Variants in CATSPERE observed in about 807,000 individuals in gnomAD.
CATSPERE encodes catsper channel auxiliary subunit epsilon, also known as cation channel sperm-associated auxiliary subunit epsilon.
A neutral mutation model predicts 114.1 loss-of-function variants in CATSPERE; 93 were observed. The ratio of observed to expected loss-of-function variants is 0.81; its 90% CI spans 0.69 to 0.97. The LOEUF (loss-of-function observed/expected upper bound fraction) is 0.97. CATSPERE is among the 50% of genes least tolerant of loss of function. The pLI is 0.00. For synonymous variants in CATSPERE, 341 were observed against 384.1 expected, an observed-to-expected ratio of 0.89 and a Z score of 1.31; for missense variants, 1,058 against 1,131.6, an observed-to-expected ratio of 0.93 and a Z score of 0.93.
chr1:244,507,380 A>T (rs547046891), intron 7 of CATSPERE, among the ~76,000 whole-genome samples: 18 of 152,288 alleles, frequency 1.2e-4, no homozygotes, highest in African/African-American at 4.1e-4. Flanking sequence ...CCAACAGCAT[A>T]TGAGGTTACC....
At chr1:244,627,902 TAGCACTGTCCCACCTCATCC>T (rs1673411103) in intron 20 of CATSPERE, among the ~76,000 whole-genome samples, 1 of 152,242 alleles carries the variant, frequency 6.6e-6, no homozygotes, top group South Asian at 2.1e-4. Flanking sequence ...TGATGAAATG[TAGCACTGTCCCACCTCATCC>T]AGCCTGGGAT....
intron 5 of CATSPERE, among the ~76,000 whole-genome samples, chr1:244,481,679 AG>A (rs1247036151): frequency 6.6e-6 from 1 of 152,146 alleles, no homozygotes; most frequent in Non-Finnish European, 1.5e-5. Context: ...TGGTATCTGA[AG>A]GTCACGCCTT....
At chr1:244,511,727 G>A (rs931251059) in intron 7 of CATSPERE, among the ~76,000 whole-genome samples, 2 of 152,124 alleles carry the variant, frequency 1.3e-5, no homozygotes, top group South Asian at 2.1e-4. Flanking sequence ...AGCATTTCTT[G>A]TAGGGCTGAT....
At chr1:244,549,038 A>C (rs1660192762) in intron 8 of CATSPERE, among the ~76,000 whole-genome samples, 1 of 152,204 alleles carries the variant, frequency 6.6e-6, no homozygotes, top group Non-Finnish European at 1.5e-5. Context: ...GGAGTGATTT[A>C]TCCAGACTAC....
intron 8 of CATSPERE, among the ~76,000 whole-genome samples, chr1:244,524,317 C>A (rs1198747120): frequency 6.6e-6 from 1 of 150,590 alleles, no homozygotes; most frequent in East Asian, 1.9e-4. Context: ...CCCTTCCTTA[C>A]ACCTTATACA....
chr1:244,548,176 T>A (rs1660059368), intron 8 of CATSPERE, among the ~76,000 whole-genome samples: 1 of 152,262 alleles, frequency 6.6e-6, no homozygotes, highest in Non-Finnish European at 1.5e-5. Context: ...GATTTAACAA[T>A]TAAATGGATA....
chr1:244,603,516 A>G (rs567183228), intron 17 of CATSPERE, among the ~76,000 whole-genome samples: 1 of 152,288 alleles, frequency 6.6e-6, no homozygotes, highest in East Asian at 1.9e-4. Context: ...TATTTTTTCA[A>G]ATATATTCAA....
chr1:244,629,971 G>GTACCTGC (rs1673719714), intron 20 of CATSPERE, among the ~76,000 whole-genome samples: 1 of 152,178 alleles, frequency 6.6e-6, no homozygotes, highest in Non-Finnish European at 1.5e-5. Context: ...TATATCTGCA[G>GTACCTGC]TACCTGCTAC....
intron 5 of CATSPERE, among the ~76,000 whole-genome samples, chr1:244,482,865 G>A (rs971105907): frequency 2.6e-5 from 4 of 151,826 alleles, no homozygotes; most frequent in African/African-American, 9.7e-5. Context: ...TTTTCTTTTA[G>A]TTTAGCGACT....
intron 13 of CATSPERE, among the ~76,000 whole-genome samples, chr1:244,588,012 T>C (rs1329364159): frequency 6.6e-6 from 1 of 152,010 alleles, no homozygotes; most frequent in Non-Finnish European, 1.5e-5. Context: ...CTGACCAACA[T>C]GGTGAAACCC....
intron 8 of CATSPERE, among the ~76,000 whole-genome samples, chr1:244,545,499 A>G (rs578066569): frequency 3.3e-5 from 5 of 152,312 alleles, no homozygotes; most frequent in Non-Finnish European, 5.9e-5. Context: ...TCAGTGGCAG[A>G]TAGGGATGCT....
chr1:244,594,829 G>A (rs1022688724), intron 17 of CATSPERE, among the ~76,000 whole-genome samples: 2 of 152,030 alleles, frequency 1.3e-5, no homozygotes, highest in East Asian at 1.9e-4. Flanking sequence ...CCTAACCCTC[G>A]CCCATGGCAC....
chr1:244,624,164 G>A (rs1232537105), intron 20 of CATSPERE, among the ~76,000 whole-genome samples: 1 of 140,776 alleles, frequency 7.1e-6, no homozygotes, highest in Non-Finnish European at 1.5e-5. Context: ...GTAGAGACAG[G>A]GTTTCACCGT....
At chr1:244,559,804 G>T (rs1662263016) in intron 9 of CATSPERE, among the ~76,000 whole-genome samples, 1 of 152,056 alleles carries the variant, frequency 6.6e-6, no homozygotes, top group Admixed American at 6.5e-5. Context: ...GTGCTTAAAA[G>T]ATTTAAAAGG....
chr1:244,562,473 A>G (rs1479824809), intron 10 of CATSPERE, among the ~76,000 whole-genome samples: 1 of 152,184 alleles, frequency 6.6e-6, no homozygotes, highest in Non-Finnish European at 1.5e-5. Context: ...TGAATCAGAG[A>G]TTACGAATAT....
chr1:244,545,940 A>C (rs1659682154), intron 8 of CATSPERE, among the ~76,000 whole-genome samples: 1 of 152,186 alleles, frequency 6.6e-6, no homozygotes, highest in South Asian at 2.1e-4. Context: ...GAGTTAACAG[A>C]GGAAAAGAAG....
chr1:244,611,672 CTT>C (rs1339007968), intron 19 of CATSPERE, among the ~76,000 whole-genome samples: 1 of 152,052 alleles, frequency 6.6e-6, no homozygotes, highest in African/African-American at 2.4e-5. Context: ...TAAAACGAAA[CTT>C]ACCCTCCTGA....
In CATSPERE at chr1:244,477,399, C is replaced by A. The variant is rs139016782; in HGVS notation, c.115-142C>A. Reference sequence around the variant, plus strand: ...AAGTTACCTTTTCTTTGTCACATTACTTTGTACAATTTAAAGGGAATTGAA... The same window carrying A: ...AAGTTACCTTTTCTTTGTCACATTAATTTGTACAATTTAAAGGGAATTGAA... On this transcript the variant is annotated intron_variant, in intron 2 of 21. Coordinates refer to ENST00000366534, the MANE Select transcript of CATSPERE (RefSeq NM_001130957.2). 4.2e-4 allele frequency: 254 copies of A among 604,732 alleles called. 2 individuals carry two copies. In the East Asian group the frequency reaches 7.0e-3, roughly 17 times the overall value. The allele number at this position is 604,732 out of a possible 1,614,324, so 37.5% of individuals were successfully genotyped here.
At chr1:244,530,587 T>C (rs1679428411) in intron 8 of CATSPERE, among the ~76,000 whole-genome samples, 1 of 152,210 alleles carries the variant, frequency 6.6e-6, no homozygotes, top group Non-Finnish European at 1.5e-5. Context: ...AAGGATTGCA[T>C]TGAACCTGTA....
Sources: gnomAD v4.1 joint callset for allele counts (sites outside exome capture counted in the v4.1 genomes callset) on GRCh38, gnomAD v4.1.1 for gene constraint, MANE v1.5 for transcripts, NCBI Gene and HGNC (gene_info 2026-07-23, HGNC 2026-07-21) for gene names.